Variants in SGPP2 observed in about 807,000 individuals in gnomAD.
SGPP2 encodes the protein sphingosine-1-phosphate phosphatase 2.
Under a neutral mutation model 33.9 loss-of-function variants are expected in SGPP2, and 30 were observed. That is an observed-to-expected ratio of 0.89 (90% CI 0.66 to 1.20). The LOEUF (loss-of-function observed/expected upper bound fraction) is 1.20. SGPP2 is among the 50% of genes most tolerant of loss of function. The probability of loss-of-function intolerance (pLI) is 0.00; values close to 1 mark genes in which losing one functional copy is unlikely to be tolerated. For missense variants in SGPP2, 458 were observed against 532.1 expected, an observed-to-expected ratio of 0.86 and a Z score of 1.37; for synonymous variants, 233 against 225.0, an observed-to-expected ratio of 1.04 and a Z score of -0.32.
chr2:222,462,759 A>G (rs565824242), intron 1 of SGPP2, among the ~76,000 whole-genome samples: 366 of 152,184 alleles, frequency 2.4e-3, no homozygotes, highest in African/African-American at 8.4e-3. Flanking sequence ...TTTTATTTTT[A>G]TATAGTTTTG....
intron 2 of SGPP2, among the ~76,000 whole-genome samples, chr2:222,503,554 C>T (rs1462399002): frequency 1.3e-5 from 2 of 152,116 alleles, no homozygotes; most frequent in East Asian, 1.9e-4. Context: ...AATTACAGGC[C>T]ATCATGCTTT....
In SGPP2 at chr2:222,557,971, G is replaced by A. The variant is rs554758533; in HGVS notation, c.649-376G>A. ...CAGCCTGCAGCCCAACCCCCAGGTG[G>A]ATGAAAGGATGGTGACACCTCGGTG... On this transcript the variant is annotated intron_variant, in intron 4 of 4. Transcript: ENST00000321276. 9.8e-5 allele frequency among the ~76,000 whole-genome samples: 15 copies of A among 152,288 alleles called. No homozygotes were observed. The South Asian group carries it at 3.1e-3, about 32-fold the overall frequency.
intron 2 of SGPP2, among the ~76,000 whole-genome samples, chr2:222,498,934 C>T (rs2106116435): frequency 6.6e-6 from 1 of 152,318 alleles, no homozygotes; most frequent in African/African-American, 2.4e-5. Context: ...TGGTTGATTT[C>T]TGTGTTCATA....
chr2:222,517,465 C>G (rs955525329), intron 2 of SGPP2, among the ~76,000 whole-genome samples: 3 of 152,116 alleles, frequency 2.0e-5, no homozygotes, highest in Admixed American at 6.5e-5. Flanking sequence ...CACCACATCC[C>G]CCTTCCAACT....
At chr2:222,443,969 A>G (rs1257283150) in intron 1 of SGPP2, among the ~76,000 whole-genome samples, 2 of 152,240 alleles carry the variant, frequency 1.3e-5, no homozygotes, top group African/African-American at 4.8e-5. Context: ...CATCTGTGGA[A>G]GTGCTGAACA....
intron 1 of SGPP2, among the ~76,000 whole-genome samples, chr2:222,432,978 G>C (rs551407053): frequency 1.4e-4 from 21 of 151,700 alleles, no homozygotes; most frequent in Non-Finnish European, 1.5e-5. Flanking sequence ...CCAAAATCAT[G>C]CCTTTGCACT....
chr2:222,517,975 C>T (rs768788396), intron 2 of SGPP2, among the ~76,000 whole-genome samples: 1 of 152,208 alleles, frequency 6.6e-6, no homozygotes, highest in Non-Finnish European at 1.5e-5. Context: ...AGCCTTTTCA[C>T]ATTATCCTCT....
intron 2 of SGPP2, among the ~76,000 whole-genome samples, chr2:222,484,874 A>G (rs1698080772): frequency 1.3e-5 from 2 of 152,272 alleles, no homozygotes; most frequent in African/African-American, 2.4e-5. Context: ...GAGGACTTTC[A>G]GATAAAATTT....
intron 1 of SGPP2, among the ~76,000 whole-genome samples, chr2:222,442,081 C>A (rs1276916604): frequency 6.6e-6 from 1 of 152,244 alleles, no homozygotes; most frequent in East Asian, 1.9e-4. Flanking sequence ...TTTCTTAATG[C>A]ACTGAAAGAT....
intron 2 of SGPP2, among the ~76,000 whole-genome samples, chr2:222,512,665 TG>T (rs1403393845): frequency 1.3e-5 from 2 of 152,196 alleles, no homozygotes; most frequent in Non-Finnish European, 2.9e-5. Context: ...TGGAAGCCAC[TG>T]ATCTTTTTTA....
At chr2:222,433,995 G>A (rs1274155291) in intron 1 of SGPP2, among the ~76,000 whole-genome samples, 3 of 152,120 alleles carry the variant, frequency 2.0e-5, no homozygotes, top group Non-Finnish European at 4.4e-5. Flanking sequence ...TACAGTTTTC[G>A]TTAATGATTA....
intron 1 of SGPP2, among the ~76,000 whole-genome samples, chr2:222,436,509 C>T (rs1697243130): frequency 6.6e-6 from 1 of 152,148 alleles, no homozygotes; most frequent in South Asian, 2.1e-4. Context: ...CTTCAAAAGG[C>T]CATACCAGCA....
In SGPP2 at chr2:222,559,161, G is replaced by GCCC. The variant is rs67613978; in HGVS notation, c.*275_*277dup. On this transcript the variant is annotated 3_prime_UTR_variant, in exon 5 of 5. Transcript: ENST00000321276. ...CCGGATCTTTAAAGGCACACACCGCGCCCCCCCCCCCCCCGCCCGGCCCCT... is the reference window on the plus strand; with the variant it reads ...CCGGATCTTTAAAGGCACACACCGCGCCCCCCCCCCCCCCCCCGCCCGGCCCCT... 1 of 29,382 alleles carries GCCC rather than the reference G, an allele frequency of 3.4e-5. No individual in the cohort carries two copies. Among genetic ancestry groups the GCCC allele is most frequent in the African/African-American group, 1.2e-4 (1 of 8,472 alleles). The allele number at this position is 29,382 out of a possible 1,614,324, so 1.8% of individuals were successfully genotyped here. A position where few individuals can be genotyped will look rare whatever the true frequency, so the allele number is the denominator to read the frequency against.
chr2:222,508,277 C>T (rs1398381316), intron 2 of SGPP2, among the ~76,000 whole-genome samples: 1 of 152,156 alleles, frequency 6.6e-6, no homozygotes, highest in African/African-American at 2.4e-5. Flanking sequence ...CATATGCCCT[C>T]AATTCACTTA....
chr2:222,533,434 C>T (rs138081263), intron 4 of SGPP2, among the ~76,000 whole-genome samples: 62 of 152,286 alleles, frequency 4.1e-4, no homozygotes, highest in Admixed American at 1.8e-3. Context: ...GGGAGCCACT[C>T]CTGTAGGATG....
In SGPP2 at chr2:222,561,527, T is replaced by TATCA. The variant is rs1553543862; in HGVS notation, c.*2630_*2633dup. Among the ~76,000 whole-genome samples the TATCA allele has an allele frequency of 2.1e-5, 3 of 143,064 alleles. No homozygotes were observed. Among genetic ancestry groups the TATCA allele is most frequent in the African/African-American group, 5.0e-5 (2 of 40,402 alleles). 93.9% of individuals were successfully genotyped at this position (143,064 alleles called of 152,430 possible). A position where few individuals can be genotyped will look rare whatever the true frequency, so the allele number is the denominator to read the frequency against. On this transcript the variant is annotated 3_prime_UTR_variant, in exon 5 of 5. Transcript: ENST00000321276. ...GCCTCTCATATATATGATATATATA[T>TATCA]ATCATTTTATATATATATATATATC... is the stretch of plus-strand genomic sequence containing the variant.
chr2:222,493,091 T>A (rs993397891), intron 2 of SGPP2, among the ~76,000 whole-genome samples: 1 of 152,230 alleles, frequency 6.6e-6, no homozygotes, highest in Non-Finnish European at 1.5e-5. Context: ...AGTTCCAAAG[T>A]CACTTCCACA....
chr2:222,542,559 T>G (rs1699014003), intron 4 of SGPP2, among the ~76,000 whole-genome samples: 1 of 152,206 alleles, frequency 6.6e-6, no homozygotes, highest in African/African-American at 2.4e-5. Context: ...TCCACATCCT[T>G]ATTTGCACTT....
chr2:222,559,156 A>ACCCCCCCCCCCC lies in SGPP2; in HGVS notation c.*260_*261insCCCCCCCCCCCC, dbSNP rs1559180260. The ACCCCCCCCCCCC allele has an allele frequency of 1.8e-5, 1 of 56,260 alleles. No homozygotes were observed. Among genetic ancestry groups the ACCCCCCCCCCCC allele is most frequent in the Non-Finnish European group, 3.1e-5 (1 of 32,426 alleles). The allele number at this position is 56,260 out of a possible 1,614,324, so 3.5% of individuals were successfully genotyped here. ...ATAATCCGGATCTTTAAAGGCACAC[A>ACCCCCCCCCCCC]CCGCGCCCCCCCCCCCCCCGCCCGG... On this transcript the variant is annotated 3_prime_UTR_variant, in exon 5 of 5. Coordinates refer to ENST00000321276, the MANE Select transcript of SGPP2 (RefSeq NM_152386.4).
Sources: gnomAD v4.1 joint callset for allele counts (sites outside exome capture counted in the v4.1 genomes callset) on GRCh38, gnomAD v4.1.1 for gene constraint, MANE v1.5 for transcripts, NCBI Gene and HGNC (gene_info 2026-07-23, HGNC 2026-07-21) for gene names.